COP1: variants seen among roughly 807,000 people sequenced by gnomAD.
The protein encoded by COP1 is E3 ubiquitin-protein ligase COP1.
COP1 carries 24 observed loss-of-function variants against 101.3 expected under a neutral mutation model. The observed-to-expected ratio is 0.24, with a 90% CI of 0.17 to 0.33. The LOEUF is 0.33. Ranked by LOEUF, COP1 falls within the 10% of genes least tolerant of loss-of-function variation. The pLI is 1.00. For synonymous variants in COP1, 347 were observed against 341.9 expected (o/e 1.01, Z -0.17); for missense variants, 663 against 906.2 (o/e 0.73, Z 3.45).
chr1:175,986,939 T>C lies in COP1; in HGVS notation c.2133+4A>G. ...AAGGTGAAAAAACTGATATGAAAAC[T>C]TACCCCATCTGGTAGTGCCCTCCAG... On this transcript the variant is annotated splice_donor_region_variant and intron_variant, in intron 18 of 19. Transcript: ENST00000367669. 6.3e-7 allele frequency: 1 copy of C among 1,581,164 alleles called. No individual in the cohort carries two copies. Among genetic ancestry groups the C allele is most frequent in the Non-Finnish European group, 8.6e-7 (1 of 1,168,510 alleles).
chr1:176,099,086 AATC>A (rs1682923857), intron 9 of COP1, among the ~76,000 whole-genome samples: 1 of 152,214 alleles, frequency 6.6e-6, no homozygotes, highest in African/African-American at 2.4e-5. Context: ...CCACAGAGAT[AATC>A]AAACTACTTT....
At chr1:176,124,170 G>A (rs944075984) in intron 8 of COP1, among the ~76,000 whole-genome samples, 1 of 152,018 alleles carries the variant, frequency 6.6e-6, no homozygotes, top group African/African-American at 2.4e-5. Flanking sequence ...TGAGGTACAA[G>A]AGATATTTTG....
intron 18 of COP1, among the ~76,000 whole-genome samples, chr1:175,977,048 G>A (rs1233763981): frequency 1.3e-5 from 2 of 152,074 alleles, no homozygotes; most frequent in Non-Finnish European, 2.9e-5. Flanking sequence ...GTGAGTCATG[G>A]CATTACTGCT....
At chr1:176,112,481 T>C (rs903304234) in intron 9 of COP1, among the ~76,000 whole-genome samples, 1 of 152,218 alleles carries the variant, frequency 6.6e-6, no homozygotes, top group Non-Finnish European at 1.5e-5. Flanking sequence ...ATGTAATATT[T>C]TGATAGACGT....
At chr1:175,996,726 C>A (rs956888918) in intron 15 of COP1, among the ~76,000 whole-genome samples, 19 of 152,142 alleles carry the variant, frequency 1.2e-4, no homozygotes, top group Non-Finnish European at 2.8e-4. Flanking sequence ...GAACTACAAA[C>A]CACTGCTCAG....
At chr1:176,107,010 A>G (rs946899896) in intron 9 of COP1, among the ~76,000 whole-genome samples, 1 of 152,104 alleles carries the variant, frequency 6.6e-6, no homozygotes, top group Non-Finnish European at 1.5e-5. Context: ...AGGACAAAGA[A>G]TATTGTGACT....
At chr1:176,202,619 G>C (rs1297232424) in intron 1 of COP1, among the ~76,000 whole-genome samples, 1 of 151,700 alleles carries the variant, frequency 6.6e-6, no homozygotes. Context: ...GATTGCTTGA[G>C]CCCAGGAGTT....
chr1:176,043,145 C>T (rs774069686), intron 14 of COP1, 41 bp downstream of exon 14: 2 of 1,204,542 alleles, frequency 1.7e-6, no homozygotes, highest in African/African-American at 1.5e-5. Context: ...GTTAAGAGGG[C>T]CAGGGAGAAG....
At chr1:175,953,308 TGAG>T (rs1035465438) in intron 18 of COP1, among the ~76,000 whole-genome samples, 1 of 150,070 alleles carries the variant, frequency 6.7e-6, no homozygotes, top group Non-Finnish European at 1.5e-5. Flanking sequence ...AGAAAGGAAA[TGAG>T]GAACATAGGA....
intron 5 of COP1, among the ~76,000 whole-genome samples, chr1:176,149,490 T>TA (rs1371429351): frequency 2.0e-5 from 3 of 152,134 alleles, no homozygotes; most frequent in African/African-American, 7.2e-5. Context: ...GTGTAATAAA[T>TA]AGAGATAAAC....
At chr1:176,106,070 G>A (rs1317746274) in intron 9 of COP1, among the ~76,000 whole-genome samples, 2 of 152,122 alleles carry the variant, frequency 1.3e-5, no homozygotes, top group Admixed American at 6.5e-5. Context: ...TCGCTCTGCT[G>A]CCCAGGCTGG....
intron 11 of COP1, among the ~76,000 whole-genome samples, chr1:176,067,342 T>C (rs761334541): frequency 2.6e-5 from 4 of 152,028 alleles, no homozygotes; most frequent in South Asian, 2.1e-4. Context: ...TGCTCAAATG[T>C]TGCATTTTCC....
chr1:176,154,018 TG>T (rs778547311), intron 5 of COP1, among the ~76,000 whole-genome samples: 14 of 152,214 alleles, frequency 9.2e-5, no homozygotes, highest in Non-Finnish European at 1.8e-4. Flanking sequence ...GATTTTTGCA[TG>T]GATGTGAATC....
At chr1:175,986,676 T>C (rs1657200063) in intron 18 of COP1, among the ~76,000 whole-genome samples, 2 of 152,164 alleles carry the variant, frequency 1.3e-5, no homozygotes, top group Admixed American at 1.3e-4. Flanking sequence ...AGAAGAGATA[T>C]GAACAGACAA....
chr1:176,052,794 A>G (rs1672791948), intron 11 of COP1, among the ~76,000 whole-genome samples: 1 of 152,148 alleles, frequency 6.6e-6, no homozygotes, highest in East Asian at 1.9e-4. Flanking sequence ...GTTTTTTTCA[A>G]TTAAACATAT....
At chr1:176,107,910 T>C (rs1481297154) in intron 9 of COP1, among the ~76,000 whole-genome samples, 1 of 152,150 alleles carries the variant, frequency 6.6e-6, no homozygotes, top group Non-Finnish European at 1.5e-5. Flanking sequence ...GGAAATCCTA[T>C]AAATAACTTA....
rs868105939 is a variant in COP1 at position 175,955,564 on chromosome 1, G to A, written c.2134-8325C>T. Among the ~76,000 whole-genome samples, 4 of 152,088 alleles carry A rather than the reference G, an allele frequency of 2.6e-5. 1 individual carries two copies. In the South Asian group the frequency reaches 8.3e-4, roughly 32 times the overall value. On this transcript the variant is annotated intron_variant, in intron 18 of 19. Coordinates refer to ENST00000367669, the MANE Select transcript of COP1 (RefSeq NM_022457.7). Reference sequence around the variant, plus strand: ...AACTGTCTTCATTTGCAAAAGAGATGATGGCCTATGTGGAAAATCCTAATG... The same window carrying A: ...AACTGTCTTCATTTGCAAAAGAGATAATGGCCTATGTGGAAAATCCTAATG...
At chr1:175,948,890 C>A (rs756928775) in intron 18 of COP1, among the ~76,000 whole-genome samples, 1 of 149,014 alleles carries the variant, frequency 6.7e-6, no homozygotes, top group Non-Finnish European at 1.5e-5. Flanking sequence ...GGGGGCTGGG[C>A]GCAGTGGCTC....
chr1:176,121,925 G>C (rs892595327), intron 8 of COP1, among the ~76,000 whole-genome samples: 16 of 151,976 alleles, frequency 1.1e-4, no homozygotes, highest in African/African-American at 3.6e-4. Context: ...CAGATCATGA[G>C]GTCAGGAGAT....
Sources: gnomAD v4.1 joint callset for allele counts (sites outside exome capture counted in the v4.1 genomes callset) on GRCh38, gnomAD v4.1.1 for gene constraint, MANE v1.5 for transcripts, NCBI Gene and HGNC (gene_info 2026-07-23, HGNC 2026-07-21) for gene names.